NPAS3: variants seen among roughly 807,000 people sequenced by gnomAD.
NPAS3 encodes neuronal PAS domain-containing protein 3.
NPAS3 carries 14 observed loss-of-function variants against 73.1 expected under a neutral mutation model. The observed-to-expected ratio is 0.19, with a 90% confidence interval of 0.13 to 0.30. NPAS3 has a LOEUF of 0.30. Ranked by LOEUF, NPAS3 falls within the 10% of genes least tolerant of loss-of-function variation. The pLI is 1.00. For synonymous variants in NPAS3, 620 were observed against 541.5 expected (o/e 1.14, Z -2.01); for missense variants, 1,096 against 1,250.0 (o/e 0.88, Z 1.86).
chr14:33,200,626 GTTTCATTT>G (rs554676417), intron 2 of NPAS3, among the ~76,000 whole-genome samples: 1,598 of 152,210 alleles, frequency 0.01, 23 homozygotes, highest in African/African-American at 0.036. Flanking sequence ...CCTACAAAGA[GTTTCATTT>G]TTAAAATAAG....
intron 2 of NPAS3, among the ~76,000 whole-genome samples, chr14:33,083,679 T>C (rs556546293): frequency 6.6e-6 from 1 of 152,300 alleles, no homozygotes; most frequent in East Asian, 1.9e-4. Flanking sequence ...AAAATTGCCA[T>C]GTCTAGAATT....
chr14:33,795,762 A>G (rs910739423), intron 10 of NPAS3, among the ~76,000 whole-genome samples: 1 of 152,204 alleles, frequency 6.6e-6, no homozygotes, highest in African/African-American at 2.4e-5. Flanking sequence ...AGAGCTAAGC[A>G]ATCAGTCTCT....
upstream of NPAS3, among the ~76,000 whole-genome samples, chr14:32,936,717 A>G (rs1309062063): frequency 6.6e-6 from 1 of 152,036 alleles, no homozygotes; most frequent in Non-Finnish European, 1.5e-5. Context: ...GGGATTAGGA[A>G]TTTTCTGCCA....
At chr14:33,644,951 G>A (rs572834241) in intron 5 of NPAS3, among the ~76,000 whole-genome samples, 2 of 151,676 alleles carry the variant, frequency 1.3e-5, no homozygotes, top group South Asian at 2.1e-4. Context: ...TGTGGTGGCG[G>A]GCACCTGTAA....
At chr14:33,565,259 C>G (rs575446921) in intron 5 of NPAS3, among the ~76,000 whole-genome samples, 6 of 152,266 alleles carry the variant, frequency 3.9e-5, no homozygotes, top group African/African-American at 1.4e-4. Flanking sequence ...TTTTAGATTT[C>G]TCTGCATTTG....
At position 33,023,086 on chromosome 14, in the gene NPAS3, C is replaced by T. The variant is rs910472493; in HGVS notation, c.51-32819C>T. Among the ~76,000 whole-genome samples the T allele has an allele frequency of 7.3e-5, 11 of 150,380 alleles. No homozygotes were observed. In the South Asian group the frequency reaches 1.9e-3, roughly 26 times the overall value. On this transcript the variant is annotated intron_variant, in intron 1 of 11. Transcript: ENST00000356141. ...GACATAACAAAAATAGTGGCAAACA[C>T]AAATTTAAAAAAAAAAGAAAAGAGG...
upstream of NPAS3, chr14:32,939,141 C>CG (rs2035847014): frequency 2.2e-5 from 3 of 138,914 alleles, no homozygotes; most frequent in Admixed American, 2.5e-4. Flanking sequence ...CCGCCGCCGC[C>CG]ACGGCCACGG....
At chr14:33,237,336 A>C (rs1175945498) in intron 3 of NPAS3, among the ~76,000 whole-genome samples, 1 of 152,042 alleles carries the variant, frequency 6.6e-6, no homozygotes, top group Admixed American at 6.6e-5. Context: ...TTTTCTTGGC[A>C]CTTCAGTGGG....
chr14:33,189,632 T>TCATGTTAG (rs2046098058), intron 2 of NPAS3, among the ~76,000 whole-genome samples: 1 of 152,322 alleles, frequency 6.6e-6, no homozygotes, highest in African/African-American at 2.4e-5. Flanking sequence ...AGATAAGAAG[T>TCATGTTAG]CATGTTAGTG....
intron 4 of NPAS3, among the ~76,000 whole-genome samples, chr14:33,447,921 A>T (rs1202183385): frequency 1.3e-5 from 2 of 152,196 alleles, no homozygotes; most frequent in Non-Finnish European, 2.9e-5. Flanking sequence ...TCTCTTAAAA[A>T]AAACAAAAAC....
chr14:33,307,885 C>T (rs1300634237), intron 3 of NPAS3, among the ~76,000 whole-genome samples: 1 of 152,120 alleles, frequency 6.6e-6, no homozygotes, highest in East Asian at 1.9e-4. Context: ...CTGGGTGAGT[C>T]ATTACGTTGT....
At chr14:33,291,268 G>C (rs965884262) in intron 3 of NPAS3, among the ~76,000 whole-genome samples, 2 of 152,078 alleles carry the variant, frequency 1.3e-5, no homozygotes, top group Non-Finnish European at 2.9e-5. Flanking sequence ...CATTATTGAG[G>C]TGTGGTGATA....
At chr14:33,201,020 A>G (rs1159838319) in intron 2 of NPAS3, among the ~76,000 whole-genome samples, 1 of 152,222 alleles carries the variant, frequency 6.6e-6, no homozygotes, top group Non-Finnish European at 1.5e-5. Context: ...AAAACCAACC[A>G]AACTATACCA....
chr14:33,199,211 G>T (rs1180144161), intron 2 of NPAS3, among the ~76,000 whole-genome samples: 1 of 152,192 alleles, frequency 6.6e-6, no homozygotes, highest in Non-Finnish European at 1.5e-5. Context: ...GGGCTGAAGG[G>T]CTCCTCAAGC....
rs375026931 is a variant in NPAS3 at position 33,647,667 on chromosome 14, A to G, written c.559-28544A>G. Among the ~76,000 whole-genome samples the G allele has an allele frequency of 1.4e-4, 22 of 152,254 alleles. No homozygotes were observed. In the East Asian group the frequency reaches 2.7e-3, roughly 19 times the overall value. The stretch of plus-strand genomic sequence containing the variant: ...ACTTTGTTATTTCACAATGTCAAGG[A>G]TGCCTCCCAGTTGTGGCTTAAGTAG... On this transcript the variant is annotated intron_variant, in intron 5 of 11. Coordinates refer to ENST00000356141, the Ensembl canonical transcript of NPAS3.
intron 4 of NPAS3, among the ~76,000 whole-genome samples, chr14:33,475,985 C>A (rs17101323): frequency 0.18 from 27,721 of 152,106 alleles, 2,940 homozygotes; most frequent in African/African-American, 0.29. Context: ...TGAGAAACTA[C>A]GTGATTTACT....
chr14:33,565,539 T>C (rs1256699982), intron 5 of NPAS3, among the ~76,000 whole-genome samples: 1 of 152,212 alleles, frequency 6.6e-6, no homozygotes, highest in African/African-American at 2.4e-5. Flanking sequence ...TGTTTTTCAA[T>C]GCAAATCAAG....
chr14:33,516,579 A>C (rs777373780), intron 4 of NPAS3, among the ~76,000 whole-genome samples: 16 of 152,158 alleles, frequency 1.1e-4, no homozygotes, highest in Admixed American at 2.6e-4. Flanking sequence ...TGCATGCCCT[A>C]GGGCAAGTTC....
At chr14:33,461,923 G>A (rs1451409091) in intron 4 of NPAS3, among the ~76,000 whole-genome samples, 2 of 152,194 alleles carry the variant, frequency 1.3e-5, no homozygotes, top group Non-Finnish European at 2.9e-5. Context: ...AGGTAATAGA[G>A]ACAATAGAGA....
Sources: allele counts gnomAD v4.1 joint callset (sites outside exome capture counted in the v4.1 genomes callset), GRCh38; gene constraint gnomAD v4.1.1; transcripts MANE v1.5; gene names NCBI Gene and HGNC (gene_info 2026-07-23, HGNC 2026-07-21).